OTOG: variants seen among roughly 807,000 people sequenced by gnomAD.
OTOG encodes otogelin.
In OTOG, 296 loss-of-function variants were observed where a neutral mutation model predicts 313.8. That is an observed-to-expected ratio of 0.94 (90% CI 0.86 to 1.04). OTOG has a LOEUF of 1.04. Among genes scored for constraint, OTOG ranks in the 50% least tolerant of loss-of-function variants. OTOG has a pLI of 0.00. For missense variants in OTOG, 3,948 were observed against 3,840.1 expected, an observed-to-expected ratio of 1.03 and a Z score of -0.74; for synonymous variants, 1,533 against 1,554.9, an observed-to-expected ratio of 0.99 and a Z score of 0.33.
At chr11:17,644,436 C>G (rs1848033319) in intron 54 of OTOG, among the ~76,000 whole-genome samples, 1 of 152,222 alleles carries the variant, frequency 6.6e-6, no homozygotes, top group Non-Finnish European at 1.5e-5. Context: ...TAAAGGGATT[C>G]CTGGGGTTAC....
In OTOG at chr11:17,625,832, T is replaced by C. The variant is rs112197626; in HGVS notation, c.6529-3301T>C. ...GTGATCCCATTTGTCCATTTTGCTT[T>C]GGTTGCCTGTGCTTTTGGGGTATTA... On this transcript the variant is annotated intron_variant, in intron 39 of 55. Coordinates refer to ENST00000399397, the MANE Select transcript of OTOG (RefSeq NM_001292063.2). Among the ~76,000 whole-genome samples the C allele has an allele frequency of 2.5e-3, 374 of 152,344 alleles. 1 individual carries two copies. The highest frequency in any genetic ancestry group is 8.4e-3 in the African/African-American group (349 of 41,580).
chr11:17,611,502 T>G (rs1853548228), intron 36 of OTOG, 79 bp downstream of exon 36: 3 of 1,349,628 alleles, frequency 2.2e-6, no homozygotes, highest in African/African-American at 3.0e-5. Flanking sequence ...TAGATGGAGT[T>G]TTAGTCGCTA....
chr11:17,631,754 G>A lies in OTOG; in HGVS notation c.6765G>A (p.Val2255=). The A allele has an allele frequency of 6.4e-7, 1 of 1,550,616 alleles. No homozygotes were observed. Among genetic ancestry groups the A allele is most frequent in the Non-Finnish European group, 8.7e-7 (1 of 1,147,000 alleles). The part of the protein sequence containing the change: ...ANDLTLKDGS[V]VGGAEDPAPF... ...ACCTTACCCTGAAGGATGGCTCAGT[G>A]GTGGGTGGGGCTGAGGACCCTGCTC... Residue 2255 remains valine, a synonymous_variant, in exon 41 of 56, where the codon GTG becomes GTA. Transcript: ENST00000399397.
At chr11:17,601,465 G>A (rs544888898) in intron 31 of OTOG, among the ~76,000 whole-genome samples, 2 of 148,344 alleles carry the variant, frequency 1.3e-5, no homozygotes, top group East Asian at 4.1e-4. Flanking sequence ...GTTCAGCATG[G>A]CAGGAGCCAG....
At chr11:17,640,513 C>A (rs1204263014) in intron 49 of OTOG, among the ~76,000 whole-genome samples, 3 of 152,232 alleles carry the variant, frequency 2.0e-5, no homozygotes, top group Non-Finnish European at 4.4e-5. Flanking sequence ...CCACCCGGGG[C>A]TCTGTCCCTC....
At chr11:17,575,884 C>T (rs561845865) in intron 20 of OTOG, among the ~76,000 whole-genome samples, 3 of 152,236 alleles carry the variant, frequency 2.0e-5, no homozygotes, top group South Asian at 2.1e-4. Flanking sequence ...AGAGTTTCGG[C>T]GTCCGGTCCA....
chr11:17,605,754 T>A, intron 32 of OTOG, 103 bp from the exon 33 acceptor site: 1 of 1,312,636 alleles, frequency 7.6e-7, no homozygotes. Context: ...GCAGGCGTGC[T>A]GCCATCCAGA....
chr11:17,614,224 G>A (rs532535495), intron 39 of OTOG, among the ~76,000 whole-genome samples: 6 of 152,062 alleles, frequency 3.9e-5, no homozygotes, highest in Admixed American at 6.5e-5. Flanking sequence ...GTACTGATCT[G>A]TCTCCTCCTC....
intron 25 of OTOG, 71 bp downstream of exon 25, chr11:17,591,659 C>T (rs1156377105): frequency 5.9e-6 from 9 of 1,518,814 alleles, no homozygotes; most frequent in African/African-American, 2.8e-5. Flanking sequence ...GCTCTGGACT[C>T]CAGTTTGATG....
At chr11:17,593,996 G>T in intron 27 of OTOG, 51 bp from the exon 28 acceptor site, 4 of 1,549,548 alleles carry the variant, frequency 2.6e-6, no homozygotes. Flanking sequence ...TCTGCCCGTG[G>T]CTCACCTCTG....
intron 39 of OTOG, among the ~76,000 whole-genome samples, chr11:17,627,891 G>T (rs984643012): frequency 3.9e-5 from 6 of 152,046 alleles, no homozygotes; most frequent in African/African-American, 7.2e-5. Context: ...AGCTGCTAAT[G>T]ATCCTTTGAA....
In OTOG at chr11:17,640,919, C is replaced by A. The variant is rs563948391; in HGVS notation, c.8018C>A (p.Ala2673Asp). ...CGCAKYECVKAPVCLSRELGV... is the reference protein window; with the variant it reads ...CGCAKYECVKDPVCLSRELGV... The stretch of plus-strand genomic sequence containing the variant: ...GCCCTGCATGCCCATCCAGTGAAGG[C>A]CCCGGTGTGTCTGAGCCGCGAGCTG... Residue 2673 changes from alanine (A) to aspartate (D), a missense_variant, in exon 51 of 56, where the codon GCC (alanine) becomes GAC (aspartate). By Grantham distance (126) the Ala-to-Asp change is moderately radical. Transcript: ENST00000399397. 1,095 of 1,548,242 alleles carry A rather than the reference C, an allele frequency of 7.1e-4. No homozygotes were observed. Among genetic ancestry groups the A allele is most frequent in the Non-Finnish European group, 8.9e-4 (1,017 of 1,146,818 alleles).
intron 4 of OTOG, among the ~76,000 whole-genome samples, chr11:17,552,488 CTGTGG>C (rs1851957038): frequency 6.6e-6 from 1 of 151,616 alleles, no homozygotes. Flanking sequence ...TGTCCTAGGT[CTGTGG>C]CCTCTCCTCC....
At chr11:17,564,996 T>C (rs1052480815) in intron 15 of OTOG, among the ~76,000 whole-genome samples, 3 of 152,234 alleles carry the variant, frequency 2.0e-5, no homozygotes, top group African/African-American at 7.2e-5. Context: ...ACAGAAATAT[T>C]GCAAAGATAG....
intron 36 of OTOG, 107 bp from the exon 37 acceptor site, chr11:17,612,055 C>T: frequency 7.4e-7 from 1 of 1,351,586 alleles, no homozygotes; most frequent in Non-Finnish European, 1.0e-6. Context: ...AGAAGGTCCC[C>T]TGCCCCGCTA....
intron 19 of OTOG, 66 bp downstream of exon 19, chr11:17,573,356 C>T (rs913650081): frequency 2.1e-6 from 3 of 1,430,940 alleles, no homozygotes; most frequent in Non-Finnish European, 2.8e-6. Flanking sequence ...GTGTCCCCTG[C>T]CCCTGAAAGT....
Position 17,576,928 on chromosome 11 carries a change from G to A in OTOG, c.2605+17G>A, listed in dbSNP as rs1241827408. ...GAGCCCCAGGTAAGGGTGGGTGGAG[G>A]GGTGGAGCCCTTCTGGGGGCTCCAC... On this transcript the variant is annotated intron_variant, in intron 22 of 55. Coordinates refer to ENST00000399397, the MANE Select transcript of OTOG (RefSeq NM_001292063.2). The A allele has an allele frequency of 1.9e-6, 3 of 1,550,008 alleles. No homozygotes were observed. Among genetic ancestry groups the A allele is most frequent in the South Asian group, 2.4e-5 (2 of 83,920 alleles).
In OTOG at chr11:17,631,814, G is replaced by A; in HGVS notation, c.6825G>A (p.Leu2275=). ...FLDSWQVPSS[L]TSVGQTRFRP... is the part of the protein sequence containing the mutation. ...ACAGCTGGCAGGTGCCCAGCTCCCT[G>A]ACCTCAGTGGGCCAGACCCGCTTCC... Residue 2275 remains leucine (L), a synonymous_variant, in exon 41 of 56, where the codon CTG becomes CTA. Transcript: ENST00000399397. The A allele has an allele frequency of 6.4e-7, 1 of 1,550,648 alleles. No individual in the cohort carries two copies. The highest frequency in any genetic ancestry group is 1.2e-5 in the South Asian group (1 of 84,062).
chr11:17,588,791 A>G (rs1040153974), intron 24 of OTOG, among the ~76,000 whole-genome samples: 4 of 152,066 alleles, frequency 2.6e-5, no homozygotes, highest in African/African-American at 9.7e-5. Context: ...TAGTGGAGTG[A>G]GGAGTCATCT....
Sources: allele counts gnomAD v4.1 joint callset (sites outside exome capture counted in the v4.1 genomes callset), GRCh38; gene constraint gnomAD v4.1.1; transcripts MANE v1.5; gene names NCBI Gene and HGNC (gene_info 2026-07-23, HGNC 2026-07-21).